The following BRAF variants were observed in gnomAD, a reference collection of about 807,000 sequenced individuals.
The protein encoded by BRAF is serine/threonine-protein kinase B-raf.
Under a neutral mutation model 104.6 loss-of-function variants are expected in BRAF, and 16 were observed. That is an observed-to-expected ratio of 0.15 (90% CI 0.10 to 0.23). The LOEUF (loss-of-function observed/expected upper bound fraction) is 0.23. Ranked by LOEUF, BRAF falls within the 10% of genes least tolerant of loss-of-function variation. The probability of loss-of-function intolerance (pLI) is 1.00; values close to 1 mark genes in which losing one functional copy is unlikely to be tolerated. For synonymous variants in BRAF, 310 were observed against 341.6 expected (o/e 0.91, Z 1.02); for missense variants, 541 against 937.3 (o/e 0.58, Z 5.52).
intron 14 of BRAF, among the ~76,000 whole-genome samples, chr7:140,754,526 C>T (rs1050469047): frequency 6.6e-6 from 1 of 152,038 alleles, no homozygotes; most frequent in Non-Finnish European, 1.5e-5. Context: ...CCTATTTATC[C>T]ATGTCCCTTA....
chr7:140,893,827 T>A (rs1010024814), intron 1 of BRAF, among the ~76,000 whole-genome samples: 2 of 151,690 alleles, frequency 1.3e-5, no homozygotes, highest in Non-Finnish European at 2.9e-5. Context: ...GGGAAAAAAA[T>A]GACTGAAAAA....
intron 14 of BRAF, among the ~76,000 whole-genome samples, chr7:140,761,102 T>C (rs1044599438): frequency 1.3e-5 from 2 of 151,444 alleles, no homozygotes; most frequent in Non-Finnish European, 2.9e-5. Context: ...TTCACCAAAG[T>C]TGAAAGAAGG....
chr7:140,760,562 GA>G (rs1013097481), intron 14 of BRAF, among the ~76,000 whole-genome samples: 26 of 152,116 alleles, frequency 1.7e-4, no homozygotes, highest in African/African-American at 6.0e-4. Context: ...GTCGAAGGAA[GA>G]AGAGGAATGA....
chr7:140,765,744 A>G (rs1384187511), intron 14 of BRAF, among the ~76,000 whole-genome samples: 1 of 152,152 alleles, frequency 6.6e-6, no homozygotes, highest in Non-Finnish European at 1.5e-5. Context: ...TCAAAACCAT[A>G]ATGAGATACC....
At chr7:140,828,716 A>G (rs1806357961) in intron 3 of BRAF, among the ~76,000 whole-genome samples, 6 of 152,182 alleles carry the variant, frequency 3.9e-5, no homozygotes, top group African/African-American at 1.4e-4. Context: ...CGATGATTTA[A>G]CAAATATCCT....
intron 1 of BRAF, among the ~76,000 whole-genome samples, chr7:140,875,551 T>C (rs1311942984): frequency 1.3e-5 from 2 of 152,216 alleles, no homozygotes; most frequent in Non-Finnish European, 2.9e-5. Flanking sequence ...AAGTTTTTTG[T>C]ACTTTTAGTA....
intron 3 of BRAF, among the ~76,000 whole-genome samples, chr7:140,811,436 CAG>C (rs768966383): frequency 4.6e-5 from 7 of 152,066 alleles, no homozygotes; most frequent in Non-Finnish European, 7.4e-5. Context: ...AGGGGACTCT[CAG>C]GGGAGAGGGG....
At chr7:140,908,288 A>G (rs1278046848) in intron 1 of BRAF, among the ~76,000 whole-genome samples, 1 of 152,216 alleles carries the variant, frequency 6.6e-6, no homozygotes, top group Non-Finnish European at 1.5e-5. Context: ...TACATTGCTG[A>G]AAGAATTCTA....
At chr7:140,717,133 C>T (rs1425783557), downstream of BRAF, among the ~76,000 whole-genome samples, 8 of 152,314 alleles carry the variant, frequency 5.3e-5, no homozygotes, top group Admixed American at 4.6e-4. Flanking sequence ...ATCCAAATCT[C>T]GTTACAGCCA....
chr7:140,740,718 C>T (rs1158649063), intron 17 of BRAF: 9 of 152,234 alleles, frequency 5.9e-5, no homozygotes, highest in Non-Finnish European at 1.0e-4. Flanking sequence ...CATAAAAGAT[C>T]CCTGCTACAG....
chr7:140,803,500 T>C (rs1032008719), intron 5 of BRAF, among the ~76,000 whole-genome samples: 2 of 152,062 alleles, frequency 1.3e-5, no homozygotes, highest in Non-Finnish European at 2.9e-5. Flanking sequence ...CATATGAAAA[T>C]TGAAACAGCT....
chr7:140,719,650 T>A lies in BRAF; in HGVS notation c.*6844A>T. 1.9e-6 allele frequency: 2 copies of A among 1,062,172 alleles called. No individual in the cohort carries two copies. Among genetic ancestry groups the A allele is most frequent in the Non-Finnish European group, 2.3e-6 (2 of 876,948 alleles). The allele number at this position is 1,062,172 out of a possible 1,614,324, so 65.8% of individuals were successfully genotyped here. A position where few individuals can be genotyped will look rare whatever the true frequency, so the allele number is the denominator to read the frequency against. Reference sequence around the variant, plus strand: ...AAATAATAAAAGATTCAAGCAAACATTGAGAATAGGGGAAAAGAGGGAGAC... The same window carrying A: ...AAATAATAAAAGATTCAAGCAAACAATGAGAATAGGGGAAAAGAGGGAGAC... On this transcript the variant is annotated 3_prime_UTR_variant, in exon 20 of 20. Coordinates refer to ENST00000644969, the MANE Select transcript of BRAF (RefSeq NM_001374258.1).
At chr7:140,864,479 A>C (rs777438416) in intron 1 of BRAF, among the ~76,000 whole-genome samples, 3 of 152,128 alleles carry the variant, frequency 2.0e-5, no homozygotes, top group Non-Finnish European at 4.4e-5. Flanking sequence ...CCTGGAGGAG[A>C]GATGAGGCTG....
intron 14 of BRAF, among the ~76,000 whole-genome samples, chr7:140,763,839 C>T (rs545231199): frequency 3.7e-4 from 57 of 152,278 alleles, no homozygotes; most frequent in Middle Eastern, 3.4e-3. Context: ...CAGGACCAGA[C>T]GGATTCAAAG....
At chr7:140,717,129 A>G (rs1165061007), downstream of BRAF, among the ~76,000 whole-genome samples, 2 of 152,114 alleles carry the variant, frequency 1.3e-5, no homozygotes, top group East Asian at 3.9e-4. Context: ...TTCTATCCAA[A>G]TCTCGTTACA....
In BRAF at chr7:140,821,294, ATTTT is replaced by A. The variant is rs58690200; in HGVS notation, c.505-12303_505-12300del. Among the ~76,000 whole-genome samples, 270 of 73,942 alleles carry A rather than the reference ATTTT, an allele frequency of 3.7e-3. 3 individuals are homozygous for A. The highest frequency in any genetic ancestry group is 4.6e-3 in the Non-Finnish European group (180 of 38,734). 48.5% of individuals were successfully genotyped at this position (73,942 alleles called of 152,430 possible). ...CCACTACACCCAGCGTCTGAATTAC[ATTTT>A]TTTTTTTTTTTTTTTTTTTGAGACA... is the stretch of plus-strand genomic sequence containing the variant. On this transcript the variant is annotated intron_variant, in intron 3 of 19. Transcript: ENST00000644969.
intron 6 of BRAF, among the ~76,000 whole-genome samples, chr7:140,800,728 T>A (rs1395748481): frequency 6.6e-6 from 1 of 152,200 alleles, no homozygotes; most frequent in Non-Finnish European, 1.5e-5. Context: ...AAGATGAAAA[T>A]CATGCTTTAT....
At chr7:140,903,217 C>T (rs191728426) in intron 1 of BRAF, among the ~76,000 whole-genome samples, 27 of 152,146 alleles carry the variant, frequency 1.8e-4, no homozygotes, top group Admixed American at 6.5e-4. Context: ...TGAGCCACCA[C>T]GCCTGGCCTA....
chr7:140,888,043 T>C (rs1024707188), intron 1 of BRAF, among the ~76,000 whole-genome samples: 1 of 152,122 alleles, frequency 6.6e-6, no homozygotes, highest in African/African-American at 2.4e-5. Flanking sequence ...TGGCTAATTT[T>C]TTGCGTTTTT....
Sources: allele counts gnomAD v4.1 joint callset (sites outside exome capture counted in the v4.1 genomes callset), GRCh38; gene constraint gnomAD v4.1.1; transcripts MANE v1.5; gene names NCBI Gene and HGNC (gene_info 2026-07-23, HGNC 2026-07-21).